The following AGBL4 variants were observed in gnomAD, a reference collection of about 807,000 sequenced individuals.
AGBL4 encodes AGBL carboxypeptidase 4, also known as cytosolic carboxypeptidase 6.
Under a neutral mutation model 66.4 loss-of-function variants are expected in AGBL4, and 58 were observed. The observed-to-expected ratio is 0.87, with a 90% CI of 0.71 to 1.09. AGBL4 has a LOEUF of 1.09. Ranked by LOEUF, AGBL4 falls within the 50% of genes least tolerant of loss-of-function variation. The pLI is 0.00. For synonymous variants in AGBL4, 234 were observed against 222.9 expected, an observed-to-expected ratio of 1.05 and a Z score of -0.44; for missense variants, 579 against 631.0, an observed-to-expected ratio of 0.92 and a Z score of 0.88.
intron 4 of AGBL4, among the ~76,000 whole-genome samples, chr1:49,244,303 T>A (rs1651461397): frequency 6.6e-6 from 1 of 151,790 alleles, no homozygotes; most frequent in African/African-American, 2.4e-5. Context: ...ATATGCCTAT[T>A]AACAGAGAAA....
intron 1 of AGBL4, among the ~76,000 whole-genome samples, chr1:49,997,594 A>G (rs1407955625): frequency 6.6e-6 from 1 of 152,178 alleles, no homozygotes; most frequent in Non-Finnish European, 1.5e-5. Flanking sequence ...ATAGACATGA[A>G]CACAATAATA....
At chr1:49,982,491 C>T (rs574947129) in intron 1 of AGBL4, among the ~76,000 whole-genome samples, 15 of 152,324 alleles carry the variant, frequency 9.8e-5, no homozygotes, top group South Asian at 6.2e-4. Flanking sequence ...GGCCTACAGG[C>T]GCCCCCTCAG....
chr1:49,329,070 G>C (rs1645278680), intron 3 of AGBL4, among the ~76,000 whole-genome samples: 1 of 152,194 alleles, frequency 6.6e-6, no homozygotes, highest in Non-Finnish European at 1.5e-5. Flanking sequence ...GCTTTGGGAG[G>C]CTGAGGTGGG....
intron 6 of AGBL4, among the ~76,000 whole-genome samples, chr1:48,691,191 A>G (rs948939705): frequency 1.6e-4 from 24 of 148,642 alleles, no homozygotes; most frequent in Non-Finnish European, 2.4e-4. Context: ...ATATGTGTGT[A>G]TATATATATA....
chr1:49,146,417 A>T (rs1331983895), intron 4 of AGBL4, among the ~76,000 whole-genome samples: 1 of 152,214 alleles, frequency 6.6e-6, no homozygotes, highest in Non-Finnish European at 1.5e-5. Context: ...TAAAAAAATT[A>T]AAACCATAAA....
In AGBL4 at chr1:48,695,619, C is replaced by G. The variant is rs1039870190; in HGVS notation, c.635-32378G>C. The stretch of plus-strand genomic sequence containing the variant: ...GGGAGTTTGGGACAGCGGACCGGCC[C>G]GTTACAGCTTTGCACAGATGTCAGA... On this transcript the variant is annotated intron_variant, in intron 6 of 13. Coordinates refer to ENST00000371839, the MANE Select transcript of AGBL4 (RefSeq NM_032785.4). Among the ~76,000 whole-genome samples, 3 of 152,080 alleles carry G rather than the reference C, an allele frequency of 2.0e-5. No individual in the cohort carries two copies. The South Asian group carries it at 6.2e-4, about 32-fold the overall frequency.
intron 5 of AGBL4, among the ~76,000 whole-genome samples, chr1:48,870,827 CT>C (rs1316150501): frequency 6.6e-6 from 1 of 152,190 alleles, no homozygotes; most frequent in Non-Finnish European, 1.5e-5. Context: ...TATGCGTAGG[CT>C]GTTGTTTTAA....
intron 6 of AGBL4, among the ~76,000 whole-genome samples, chr1:48,777,619 T>C (rs958519876): frequency 6.6e-6 from 1 of 152,268 alleles, no homozygotes; most frequent in African/African-American, 2.4e-5. Context: ...AACTGGGGCT[T>C]ATCTGAGATT....
In AGBL4 at chr1:49,681,261, A is replaced by T. The variant is rs545331118; in HGVS notation, c.282+16052T>A. Reference sequence around the variant, plus strand: ...TGAGATTTCCCCAGTTCTTGCTATGACAGATTACTTTTAACTAAAATCTAA... The same window carrying T: ...TGAGATTTCCCCAGTTCTTGCTATGTCAGATTACTTTTAACTAAAATCTAA... On this transcript the variant is annotated intron_variant, in intron 3 of 13. Transcript: ENST00000371839. Among the ~76,000 whole-genome samples, 33 of 152,298 alleles carry T rather than the reference A, an allele frequency of 2.2e-4. No individual in the cohort carries two copies. The South Asian group carries it at 3.5e-3, about 16-fold the overall frequency.
intron 6 of AGBL4, among the ~76,000 whole-genome samples, chr1:48,735,311 C>A (rs780450483): frequency 4.6e-5 from 7 of 152,162 alleles, no homozygotes; most frequent in Admixed American, 6.5e-5. Context: ...GAACTCCTTG[C>A]AGATGAAGGC....
At chr1:49,022,925 G>A (rs1282223038) in intron 5 of AGBL4, among the ~76,000 whole-genome samples, 4 of 152,144 alleles carry the variant, frequency 2.6e-5, no homozygotes, top group Non-Finnish European at 5.9e-5. Flanking sequence ...GGCAACTGGG[G>A]ATCAAAGAGT....
intron 5 of AGBL4, among the ~76,000 whole-genome samples, chr1:49,024,542 T>G (rs1663495696): frequency 1.3e-5 from 2 of 152,144 alleles, no homozygotes; most frequent in South Asian, 2.1e-4. Context: ...TTACTTAACC[T>G]TTCTGTGCCT....
chr1:48,525,444 A>G, the AGBL4 span, among the ~76,000 whole-genome samples: 2 of 152,202 alleles, frequency 1.3e-5, no homozygotes, highest in Non-Finnish European at 2.9e-5. Context: ...GTGATGAGAC[A>G]CTTCAGGTTA....
At chr1:49,904,433 T>A (rs2148196158) in intron 1 of AGBL4, among the ~76,000 whole-genome samples, 1 of 152,300 alleles carries the variant, frequency 6.6e-6, no homozygotes, top group Middle Eastern at 3.4e-3. Context: ...ACTTCATGAA[T>A]CTTTGAAATT....
At chr1:49,332,736 A>G (rs555387432) in intron 3 of AGBL4, among the ~76,000 whole-genome samples, 2 of 152,194 alleles carry the variant, frequency 1.3e-5, no homozygotes, top group African/African-American at 4.8e-5. Flanking sequence ...ATGCTCCAAG[A>G]CAATGAAAAT....
chr1:48,596,372 T>G (rs1197299458), intron 9 of AGBL4, among the ~76,000 whole-genome samples: 1 of 152,110 alleles, frequency 6.6e-6, no homozygotes, highest in East Asian at 1.9e-4. Context: ...TCCTTCAGAT[T>G]TACCCCAGGA....
chr1:49,581,358 T>C (rs1268549720), intron 3 of AGBL4, among the ~76,000 whole-genome samples: 1 of 152,164 alleles, frequency 6.6e-6, no homozygotes, highest in Non-Finnish European at 1.5e-5. Flanking sequence ...TATTTTTGGT[T>C]AGAATCTGTT....
chr1:50,019,017 G>A (rs1280573860), intron 1 of AGBL4, among the ~76,000 whole-genome samples: 2 of 151,874 alleles, frequency 1.3e-5, no homozygotes, highest in African/African-American at 4.8e-5. Context: ...ATGTGACTCT[G>A]TTTATAATTT....
chr1:48,866,188 G>C (rs776581908), intron 6 of AGBL4, among the ~76,000 whole-genome samples: 10 of 152,164 alleles, frequency 6.6e-5, no homozygotes, highest in Non-Finnish European at 1.3e-4. Context: ...CAATATCTCA[G>C]TCTCTTTGAA....
Sources: allele counts gnomAD v4.1 joint callset (sites outside exome capture counted in the v4.1 genomes callset), GRCh38; gene constraint gnomAD v4.1.1; transcripts MANE v1.5; gene names NCBI Gene and HGNC (gene_info 2026-07-23, HGNC 2026-07-21).